Variants in LRRC74A observed in about 807,000 individuals in gnomAD.
LRRC74A encodes leucine rich repeat containing 74A, also known as leucine-rich repeat-containing protein 74A.
LRRC74A carries 44 observed loss-of-function variants against 57.9 expected under a neutral mutation model. The ratio of observed to expected loss-of-function variants is 0.76; its 90% CI spans 0.60 to 0.98. The LOEUF is 0.98. Among genes scored for constraint, LRRC74A ranks in the 50% least tolerant of loss-of-function variants. LRRC74A has a pLI of 0.00. For missense variants in LRRC74A, 572 were observed against 574.0 expected, an observed-to-expected ratio of 1.00 and a Z score of 0.04; for synonymous variants, 211 against 219.4, an observed-to-expected ratio of 0.96 and a Z score of 0.34.
intron 11 of LRRC74A, among the ~76,000 whole-genome samples, chr14:76,861,572 T>C (rs1898309639): frequency 6.6e-6 from 1 of 152,258 alleles, no homozygotes; most frequent in African/African-American, 2.4e-5. Flanking sequence ...CCTTTGTTTC[T>C]AATGATAACT....
At chr14:76,845,028 A>G (rs1421598662) in intron 7 of LRRC74A, 127 bp downstream of exon 7, 1 of 623,330 alleles carries the variant, frequency 1.6e-6, no homozygotes, top group Non-Finnish European at 2.9e-6. Context: ...AAACATGCCC[A>G]AAATACATTC....
chr14:76,833,482 C>G lies in LRRC74A; in HGVS notation c.339+2107C>G, dbSNP rs1446530993. 2.1e-5 allele frequency among the ~76,000 whole-genome samples: 3 copies of G among 144,228 alleles called. No individual in the cohort carries two copies. In the Admixed American group the frequency reaches 2.3e-4, roughly 11 times the overall value. 94.6% of individuals were successfully genotyped at this position (144,228 alleles called of 152,430 possible). Reference sequence around the variant, plus strand: ...TTTGAGACAGAGTCTCACTCTGTCTCCCAGGCTGGAGTGCAGGGTCATGAT... The same window carrying G: ...TTTGAGACAGAGTCTCACTCTGTCTGCCAGGCTGGAGTGCAGGGTCATGAT... On this transcript the variant is annotated intron_variant, in intron 3 of 13. Transcript: ENST00000689127.
rs528226471 is a variant in LRRC74A at position 76,829,842 on chromosome 14, G to A, written c.167-1361G>A. Among the ~76,000 whole-genome samples the A allele has an allele frequency of 9.8e-5, 15 of 152,312 alleles. No individual in the cohort carries two copies. In the South Asian group the frequency reaches 2.9e-3, roughly 29 times the overall value. ...AATGGGCAGGGAGGGCATGGGAAATGGGCCAGCTGGGAGCAGTGCTGGCTG... is the reference window on the plus strand; with the variant it reads ...AATGGGCAGGGAGGGCATGGGAAATAGGCCAGCTGGGAGCAGTGCTGGCTG... On this transcript the variant is annotated intron_variant, in intron 2 of 13. Coordinates refer to ENST00000689127, the MANE Select transcript of LRRC74A (RefSeq NM_001385106.1).
chr14:76,841,113 C>T (rs927494731), intron 5 of LRRC74A, among the ~76,000 whole-genome samples: 8 of 152,166 alleles, frequency 5.3e-5, no homozygotes, highest in Non-Finnish European at 7.3e-5. Context: ...GCCATCTCAG[C>T]TTGTTATAAC....
rs374223623 is a variant in LRRC74A at position 76,867,377 on chromosome 14, C to T, written c.1330C>T (p.Gln444Ter). The T allele has an allele frequency of 2.5e-6, 4 of 1,586,492 alleles. No individual in the cohort carries two copies. Among genetic ancestry groups the T allele is most frequent in the Non-Finnish European group, 3.5e-6 (4 of 1,156,278 alleles). ...TCAGCAAAACAAGGTCCCCCTGAAC[C>T]AGTACCAGGTCAGGGAGGTGATAAA... ...MIEQNKVPLN[Q>*]YQVREVIKKL... Residue 444 changes from glutamine to a stop codon, truncating the protein, a stop_gained, in exon 13 of 14, where the codon CAG becomes TAG. Coordinates refer to ENST00000689127, the MANE Select transcript of LRRC74A (RefSeq NM_001385106.1). LOFTEE classifies it high-confidence loss of function.
In LRRC74A at chr14:76,853,250, T is replaced by C. The variant is rs751345179; in HGVS notation, c.797T>C (p.Met266Thr). 3.1e-6 allele frequency: 5 copies of C among 1,613,406 alleles called. No homozygotes were observed. The African/African-American group carries it at 6.7e-5, about 22-fold the overall frequency. Reference protein sequence around the residue: ...NVTLTKLDLSMNGFGNEVALA... With the variant: ...NVTLTKLDLSTNGFGNEVALA... ...ACCCTGACAAAGCTGGATCTCTCCA[T>C]GAATGGCTTTGGGAATGAGGTGGCT... Residue 266 changes from methionine to threonine, a missense_variant, in exon 9 of 14, where the codon ATG becomes ACG. By Grantham distance (81) the Met-to-Thr change is moderately conservative. Transcript: ENST00000689127.
intron 9 of LRRC74A, 124 bp downstream of exon 9, chr14:76,853,534 T>G: frequency 1.1e-6 from 1 of 894,092 alleles, no homozygotes; most frequent in Non-Finnish European, 1.7e-6. Context: ...CTGTACTTCA[T>G]ATATGCATGT....
rs143093578 is a variant in LRRC74A at position 76,831,347 on chromosome 14, G to A, written c.311G>A (p.Gly104Asp). 2.0e-4 allele frequency: 324 copies of A among 1,613,620 alleles called. No homozygotes were observed. Among genetic ancestry groups the A allele is most frequent in the Non-Finnish European group, 2.7e-4 (314 of 1,179,892 alleles). The change falls in exon 3 of 14, where the codon GGT becomes GAT. Residue 104 changes from glycine to aspartate, a missense_variant. By Grantham distance (94) the Gly-to-Asp change is moderately conservative (BLOSUM62 -1). Transcript: ENST00000689127. Reference sequence around the variant, plus strand: ...AACCACCACGGCCTGGGCCCCAGGGGTACCAAGGCTATTGCTATAGCCCTG... The same window carrying A: ...AACCACCACGGCCTGGGCCCCAGGGATACCAAGGCTATTGCTATAGCCCTG... ...NLNHHGLGPRGTKAIAIALVS... is the reference protein window; with the variant it reads ...NLNHHGLGPRDTKAIAIALVS...
intron 7 of LRRC74A, among the ~76,000 whole-genome samples, chr14:76,850,861 A>AAAAAAAAAAAG (rs773711469): frequency 3.1e-5 from 3 of 96,530 alleles, no homozygotes; most frequent in African/African-American, 8.6e-5. Flanking sequence ...AAAAAAAAAA[A>AAAAAAAAAAAG]AAAGAAAGAA....
intron 7 of LRRC74A, among the ~76,000 whole-genome samples, chr14:76,849,819 A>T (rs1269950424): frequency 6.7e-5 from 10 of 148,468 alleles, no homozygotes; most frequent in African/African-American, 2.2e-4. Flanking sequence ...AAAAAAACCC[A>T]AAAAACAAAA....
At chr14:76,843,920 C>T (rs1292768297) in intron 5 of LRRC74A, among the ~76,000 whole-genome samples, 1 of 151,976 alleles carries the variant, frequency 6.6e-6, no homozygotes, top group Admixed American at 6.6e-5. Context: ...AGACTGGTCT[C>T]GAACTCCTGA....
intron 5 of LRRC74A, among the ~76,000 whole-genome samples, chr14:76,841,421 C>T: frequency 6.6e-6 from 1 of 152,048 alleles, no homozygotes; most frequent in East Asian, 1.9e-4. Context: ...TCAAAGTAAT[C>T]TTGAATTTTT....
Position 76,853,286 on chromosome 14 carries a change from G to A in LRRC74A, c.833G>A (p.Gly278Glu). 6.2e-7 allele frequency: 1 copy of A among 1,613,564 alleles called. No individual in the cohort carries two copies. The highest frequency in any genetic ancestry group is 8.5e-7 in the Non-Finnish European group (1 of 1,179,586). ...GGGAATGAGGTGGCTCTGGCCCTAG[G>A]GGAAGTCCTCCGACTCAACCGCTGC... ...GFGNEVALAL[G>E]EVLRLNRCLV... The change falls in exon 9 of 14, where the codon GGG (glycine) becomes GAG (glutamate). Residue 278 changes from glycine to glutamate, a missense_variant. By Grantham distance (98) the Gly-to-Glu change is moderately conservative. Transcript: ENST00000689127.
intron 3 of LRRC74A, 86 bp downstream of exon 3, chr14:76,831,461 T>A: frequency 1.4e-6 from 2 of 1,442,062 alleles, no homozygotes; most frequent in South Asian, 2.4e-5. Context: ...GGGCCCCTCC[T>A]ATGGAGCCTA....
intron 12 of LRRC74A, 117 bp from the exon 13 acceptor site, chr14:76,867,231 TGTGTGGGG>T: frequency 3.0e-6 from 1 of 334,314 alleles, no homozygotes; most frequent in African/African-American, 5.6e-5. Flanking sequence ...TGTGGTAGTG[TGTGTGGGG>T]GTGTGTGTTG....
chr14:76,866,850 A>T (rs1324101589), intron 12 of LRRC74A, among the ~76,000 whole-genome samples: 1 of 150,182 alleles, frequency 6.7e-6, no homozygotes, highest in Non-Finnish European at 1.5e-5. Flanking sequence ...CATGCTGTGG[A>T]ATCAGTTTCC....
At chr14:76,851,799 G>A (rs1316386620) in intron 7 of LRRC74A, among the ~76,000 whole-genome samples, 1 of 152,054 alleles carries the variant, frequency 6.6e-6, no homozygotes, top group African/African-American at 2.4e-5. Flanking sequence ...CTGAGTAGCT[G>A]GGACTACAGG....
chr14:76,844,549 C>A, intron 6 of LRRC74A, 77 bp downstream of exon 6: 1 of 1,425,014 alleles, frequency 7.0e-7, no homozygotes, highest in Non-Finnish European at 9.8e-7. Context: ...CTGCTATGGG[C>A]ACAGTAACGT....
intron 3 of LRRC74A, among the ~76,000 whole-genome samples, chr14:76,835,666 C>G (rs1896278148): frequency 6.6e-6 from 1 of 152,098 alleles, no homozygotes; most frequent in Admixed American, 6.6e-5. Context: ...AGGAGGATCA[C>G]TTGAGCCCAG....
Sources: allele counts gnomAD v4.1 joint callset (sites outside exome capture counted in the v4.1 genomes callset), GRCh38; gene constraint gnomAD v4.1.1; transcripts MANE v1.5; gene names NCBI Gene and HGNC (gene_info 2026-07-23, HGNC 2026-07-21).